ZNF782: variants seen among roughly 807,000 people sequenced by gnomAD.
ZNF782 encodes the protein zinc finger protein 782.
In ZNF782, 12 loss-of-function variants were observed where a neutral mutation model predicts 13.0. The ratio of observed to expected loss-of-function variants is 0.92; its 90% CI spans 0.59 to 1.50. ZNF782 has a LOEUF of 1.50. Among genes scored for constraint, ZNF782 ranks in the 40% most tolerant of loss-of-function variants. The pLI is 0.00. For missense variants in ZNF782, 770 were observed against 822.9 expected (o/e 0.94, Z 0.79); for synonymous variants, 284 against 283.0 (o/e 1.00, Z -0.04).
intron 4 of ZNF782, among the ~76,000 whole-genome samples, chr9:96,829,698 A>C (rs1387518987): frequency 6.6e-6 from 1 of 152,208 alleles, no homozygotes; most frequent in African/African-American, 2.4e-5. Flanking sequence ...AGGATAAATC[A>C]TAAGATGGGC....
chr9:96,820,697 G>C (rs906558917), intron 5 of ZNF782, among the ~76,000 whole-genome samples: 1 of 151,950 alleles, frequency 6.6e-6, no homozygotes, highest in Non-Finnish European at 1.5e-5. Context: ...TTACAGGCAT[G>C]TGCCACCATG....
upstream of ZNF782, among the ~76,000 whole-genome samples, chr9:96,857,672 C>CT (rs1260542854): frequency 1.3e-5 from 2 of 152,184 alleles, no homozygotes; most frequent in Non-Finnish European, 2.9e-5. Context: ...TGCAGGCTCT[C>CT]TGAGAACATT....
chr9:96,843,272 T>C (rs1851242226), intron 4 of ZNF782, among the ~76,000 whole-genome samples: 1 of 152,186 alleles, frequency 6.6e-6, no homozygotes, highest in African/African-American at 2.4e-5. Flanking sequence ...AGCCCCAAAA[T>C]GGAAACAACC....
chr9:96,832,750 T>G (rs1387789967), intron 4 of ZNF782, among the ~76,000 whole-genome samples: 2 of 152,220 alleles, frequency 1.3e-5, no homozygotes, highest in Admixed American at 6.5e-5. Context: ...CAGATTTTTT[T>G]CTTTATCTTT....
the ZNF782 span, chr9:96,893,437 A>G: frequency 1.3e-5 from 2 of 152,228 alleles, no homozygotes; most frequent in East Asian, 3.8e-4. Context: ...GTGGGACTAT[A>G]AACTAGTTCA....
At chr9:96,911,866 T>C in the ZNF782 span, among the ~76,000 whole-genome samples, 1 of 152,086 alleles carries the variant, frequency 6.6e-6, no homozygotes, top group Non-Finnish European at 1.5e-5. Flanking sequence ...TTTTTGTGTA[T>C]GTACTTAGCT....
the ZNF782 span, among the ~76,000 whole-genome samples, chr9:96,920,320 G>A: frequency 2.7e-5 from 4 of 147,184 alleles, no homozygotes; most frequent in East Asian, 2.1e-4. Flanking sequence ...AGGCTGGAGT[G>A]CAGGGGCACG....
At chr9:96,847,218 A>C (rs1851365867) in intron 3 of ZNF782, among the ~76,000 whole-genome samples, 1 of 152,210 alleles carries the variant, frequency 6.6e-6, no homozygotes, top group South Asian at 2.1e-4. Context: ...AAATGCCTAT[A>C]TCAAAAAGCC....
At chr9:96,834,680 G>A (rs1346376079) in intron 4 of ZNF782, among the ~76,000 whole-genome samples, 1 of 152,182 alleles carries the variant, frequency 6.6e-6, no homozygotes, top group African/African-American at 2.4e-5. Flanking sequence ...CCAGAATTGT[G>A]AGCTAAATAA....
chr9:96,863,770 A>G (rs1018470218), intron 1 of ZNF782, among the ~76,000 whole-genome samples: 5 of 152,222 alleles, frequency 3.3e-5, no homozygotes, highest in Admixed American at 6.5e-5. Flanking sequence ...ATGGAAAACC[A>G]AATATCATAT....
upstream of ZNF782, among the ~76,000 whole-genome samples, chr9:96,876,350 C>T (rs12378935): frequency 6.6e-6 from 1 of 152,112 alleles, no homozygotes; most frequent in Non-Finnish European, 1.5e-5. Context: ...ACTAACAAAG[C>T]GAATATGGCA....
At chr9:96,849,411 T>A (rs903572611) in intron 3 of ZNF782, among the ~76,000 whole-genome samples, 1 of 152,214 alleles carries the variant, frequency 6.6e-6, no homozygotes, top group Non-Finnish European at 1.5e-5. Flanking sequence ...GCCCTGTGGA[T>A]TGGGGACTCC....
chr9:96,931,225 A>T, the ZNF782 span, among the ~76,000 whole-genome samples: 1 of 151,668 alleles, frequency 6.6e-6, no homozygotes, highest in East Asian at 2.0e-4. Context: ...GAGCTAGGAA[A>T]GAAAGGGGTT....
the ZNF782 span, chr9:96,931,786 T>C: frequency 6.2e-7 from 1 of 1,611,700 alleles, no homozygotes; most frequent in Non-Finnish European, 8.5e-7. Context: ...TGTTCACGGC[T>C]CTGCCCTTTG....
chr9:96,818,898 G>A lies in ZNF782; in HGVS notation c.1125C>T (p.Cys375=). 1 of 1,614,166 alleles carries A rather than the reference G, an allele frequency of 6.2e-7. No homozygotes were observed. Among genetic ancestry groups the A allele is most frequent in the Non-Finnish European group, 8.5e-7 (1 of 1,180,040 alleles). ...GCCAAATCAAGTGTGAATTCATAGAGCAGGATTTCCCACATTCATTATACT... is the reference window on the plus strand; with the variant it reads ...GCCAAATCAAGTGTGAATTCATAGAACAGGATTTCCCACATTCATTATACT... The part of the protein sequence containing the change: ...PYEYNECGKS[C]SMNSHLIWPQ... The change falls in exon 6 of 6, where the codon TGC becomes TGT. Residue 375 remains cysteine, a synonymous_variant. Coordinates refer to ENST00000481138, the MANE Select transcript of ZNF782 (RefSeq NM_001001662.3).
chr9:96,877,347 A>T (rs1413032478), upstream of ZNF782, among the ~76,000 whole-genome samples: 1 of 152,160 alleles, frequency 6.6e-6, no homozygotes, highest in African/African-American at 2.4e-5. Context: ...CTGCGCAGGG[A>T]CAGGGGACGC....
the ZNF782 span, among the ~76,000 whole-genome samples, chr9:96,911,510 G>GT: frequency 4.6e-5 from 5 of 109,694 alleles, no homozygotes; most frequent in East Asian, 9.8e-4. Flanking sequence ...TTTTTTTTTT[G>GT]TTTTTGTTTT....
At chr9:96,877,145 A>G (rs1851903230), upstream of ZNF782, among the ~76,000 whole-genome samples, 1 of 152,058 alleles carries the variant, frequency 6.6e-6, no homozygotes, top group Non-Finnish European at 1.5e-5. Flanking sequence ...ATACATATTG[A>G]GCATGTATCT....
At chr9:96,907,350 G>C in the ZNF782 span, among the ~76,000 whole-genome samples, 4 of 152,122 alleles carry the variant, frequency 2.6e-5, no homozygotes, top group Non-Finnish European at 5.9e-5. Flanking sequence ...GGGGAAAGGA[G>C]AAAGGGGCAG....
Sources: allele counts gnomAD v4.1 joint callset (sites outside exome capture counted in the v4.1 genomes callset), GRCh38; gene constraint gnomAD v4.1.1; transcripts MANE v1.5; gene names NCBI Gene and HGNC (gene_info 2026-07-23, HGNC 2026-07-21).